KDM6A: variants seen among roughly 807,000 people sequenced by gnomAD.
KDM6A encodes the protein lysine-specific demethylase 6A.
A neutral mutation model predicts 117.6 loss-of-function variants in KDM6A; 11 were observed. The ratio of observed to expected loss-of-function variants is 0.09; its 90% CI spans 0.06 to 0.15. The LOEUF is 0.15. Among genes scored for constraint, KDM6A ranks in the 10% least tolerant of loss-of-function variants. The probability of loss-of-function intolerance (pLI) is 1.00; values close to 1 mark genes in which losing one functional copy is unlikely to be tolerated. For synonymous variants in KDM6A, 384 were observed against 396.1 expected (o/e 0.97, Z 0.36); for missense variants, 799 against 1,077.3 (o/e 0.74, Z 3.62).
At chrX:44,884,643 G>A (rs903714896) in intron 2 of KDM6A, among the ~76,000 whole-genome samples, 2 of 111,992 alleles carry the variant, frequency 1.8e-5, no homozygotes, top group Non-Finnish European at 3.8e-5. Context: ...TAACGTCTTG[G>A]AAGAGACGAG....
chrX:45,068,794 C>G (rs2044671131), intron 17 of KDM6A, among the ~76,000 whole-genome samples: 1 of 90,616 alleles, frequency 1.1e-5, no homozygotes, highest in African/African-American at 4.6e-5. Flanking sequence ...TCTTCTTTCT[C>G]TTTCTCTTTC....
intron 4 of KDM6A, among the ~76,000 whole-genome samples, chrX:45,009,457 A>G (rs1370694983): frequency 9.0e-6 from 1 of 111,386 alleles, no homozygotes; most frequent in Non-Finnish European, 1.9e-5. Context: ...CTTTACTGCA[A>G]CCTGTTTTTA....
At chrX:45,090,921 A>G (rs2045867862) in intron 27 of KDM6A, 57 bp downstream of exon 27, 1 of 1,145,873 alleles carries the variant, frequency 8.7e-7, no homozygotes, top group Non-Finnish European at 1.2e-6. Flanking sequence ...GTTAACTATT[A>G]AGTTTTTTTT....
At chrX:45,091,411 A>G (rs2045890047) in intron 27 of KDM6A, among the ~76,000 whole-genome samples, 1 of 111,635 alleles carries the variant, frequency 9.0e-6, no homozygotes, top group Non-Finnish European at 1.9e-5. Flanking sequence ...CACAGTTTCT[A>G]TCTTAGCCAT....
At chrX:45,027,336 A>AACACACACACACACAC (rs200245833) in intron 6 of KDM6A, among the ~76,000 whole-genome samples, 1,448 of 98,104 alleles carry the variant, frequency 0.015, 33 homozygotes, top group African/African-American at 0.049. Context: ...CATAGTGTGA[A>AACACACACACACACAC]ACACACACAC....
chrX:45,044,947 A>G (rs2043460830), intron 8 of KDM6A, among the ~76,000 whole-genome samples: 1 of 111,894 alleles, frequency 8.9e-6, no homozygotes, highest in South Asian at 3.7e-4. Context: ...TAAGTGCTAT[A>G]ATACTTATCT....
chrX:45,084,742 CA>C (rs760359954), intron 24 of KDM6A, among the ~76,000 whole-genome samples: 2 of 111,538 alleles, frequency 1.8e-5, no homozygotes, highest in Non-Finnish European at 3.8e-5. Context: ...TCTCCTGCCT[CA>C]ACCTCCCAAG....
chrX:45,002,860 C>T (rs1215356955), intron 4 of KDM6A, among the ~76,000 whole-genome samples: 1 of 44,620 alleles, frequency 2.2e-5, no homozygotes, highest in Non-Finnish European at 3.5e-5. Flanking sequence ...TTCCCCTCCC[C>T]GCCCCCCCCC....
At chrX:45,024,668 T>C (rs1231103955) in intron 6 of KDM6A, among the ~76,000 whole-genome samples, 90 of 110,815 alleles carry the variant, frequency 8.1e-4, no homozygotes, top group Non-Finnish European at 1.3e-4. Context: ...TACTTATCTT[T>C]GTTTTTGTTG....
At chrX:45,049,022 G>T (rs1266024215) in intron 8 of KDM6A, among the ~76,000 whole-genome samples, 4 of 111,209 alleles carry the variant, frequency 3.6e-5, no homozygotes, top group Middle Eastern at 4.2e-3. Flanking sequence ...GTACTGTTCA[G>T]AACATTACCT....
intron 6 of KDM6A, among the ~76,000 whole-genome samples, chrX:45,023,769 G>A (rs2042260225): frequency 9.0e-6 from 1 of 111,000 alleles, no homozygotes; most frequent in Non-Finnish European, 1.9e-5. Flanking sequence ...TGTACCCAAT[G>A]TGTAGTCTTT....
intron 2 of KDM6A, among the ~76,000 whole-genome samples, chrX:44,933,922 A>G (rs1261241470): frequency 8.9e-6 from 1 of 112,277 alleles, no homozygotes; most frequent in Non-Finnish European, 1.9e-5. Context: ...TTAAAATCAT[A>G]TTTTCCCATT....
chrX:45,090,541 G>A (rs1265193801), intron 26 of KDM6A, among the ~76,000 whole-genome samples, 182 bp from the exon 27 acceptor site: 1 of 111,893 alleles, frequency 8.9e-6, no homozygotes, highest in Non-Finnish European at 1.9e-5. Context: ...CATAGGAAGT[G>A]CTCTTTATAT....
At chrX:45,108,489 T>C (rs1004415074) in intron 28 of KDM6A, among the ~76,000 whole-genome samples, 8 of 111,599 alleles carry the variant, frequency 7.2e-5, no homozygotes, top group African/African-American at 2.3e-4. Flanking sequence ...GACAGCGATA[T>C]ATAAGCTATT....
chrX:45,100,176 G>A (rs970811493), intron 27 of KDM6A, among the ~76,000 whole-genome samples: 4 of 111,712 alleles, frequency 3.6e-5, no homozygotes, highest in Non-Finnish European at 7.5e-5. Flanking sequence ...TACATTCCTT[G>A]TTTTGCCTCT....
intron 27 of KDM6A, among the ~76,000 whole-genome samples, chrX:45,097,320 A>G (rs765971641): frequency 2.5e-4 from 28 of 111,113 alleles, no homozygotes; most frequent in Non-Finnish European, 4.9e-4. Flanking sequence ...GCTTACCTAT[A>G]ACAGACCACA....
At chrX:44,996,340 G>T (rs1263206201) in intron 4 of KDM6A, among the ~76,000 whole-genome samples, 1 of 109,903 alleles carries the variant, frequency 9.1e-6, no homozygotes, top group African/African-American at 3.3e-5. Context: ...CTCCCAAAGC[G>T]GTGGGATTAC....
intron 8 of KDM6A, among the ~76,000 whole-genome samples, chrX:45,049,538 A>G (rs2043740871): frequency 8.9e-6 from 1 of 112,312 alleles, no homozygotes; most frequent in Non-Finnish European, 1.9e-5. Context: ...TCCAAATATG[A>G]TGCTACCATT....
chrX:44,952,154 T>C (rs1009331705), intron 2 of KDM6A, among the ~76,000 whole-genome samples: 5 of 111,943 alleles, frequency 4.5e-5, no homozygotes, highest in African/African-American at 1.6e-4. Flanking sequence ...TCTTGAATGT[T>C]GAATGATGCT....
Sources: allele counts gnomAD v4.1 joint callset (sites outside exome capture counted in the v4.1 genomes callset), GRCh38; gene constraint gnomAD v4.1.1; transcripts MANE v1.5; gene names NCBI Gene and HGNC (gene_info 2026-07-23, HGNC 2026-07-21).